Variants in RFFL observed in about 807,000 individuals in gnomAD.
RFFL encodes the protein E3 ubiquitin-protein ligase rififylin.
RFFL carries 16 observed loss-of-function variants against 40.4 expected under a neutral mutation model. That is an observed-to-expected ratio of 0.40 (90% CI 0.27 to 0.60). The LOEUF (loss-of-function observed/expected upper bound fraction) is 0.60, where lower values mean the gene tolerates loss of function less well. Ranked by LOEUF, RFFL falls within the 20% of genes least tolerant of loss-of-function variation. RFFL has a pLI of 0.47. For missense variants in RFFL, 367 were observed against 451.7 expected (o/e 0.81, Z 1.70); for synonymous variants, 154 against 167.9 (o/e 0.92, Z 0.64).
At chr17:35,016,333 T>G in intron 5 of RFFL, 37 bp downstream of exon 5, 15 of 1,583,854 alleles carry the variant, frequency 9.5e-6, no homozygotes, top group African/African-American at 1.3e-5. Flanking sequence ...CAAACACTCC[T>G]GAGCTCTGTA....
At chr17:35,083,473 C>T (rs578201541) in intron 1 of RFFL, among the ~76,000 whole-genome samples, 2 of 152,064 alleles carry the variant, frequency 1.3e-5, no homozygotes, top group Non-Finnish European at 2.9e-5. Context: ...CATAATTTCA[C>T]TCTAAAAATT....
chr17:35,052,382 T>C (rs148876070), intron 1 of RFFL, among the ~76,000 whole-genome samples: 2 of 152,316 alleles, frequency 1.3e-5, no homozygotes, highest in African/African-American at 4.8e-5. Context: ...CCTATGCTGC[T>C]CATCTGATTC....
intron 3 of RFFL, 48 bp from the exon 4 acceptor site, chr17:35,017,654 C>G (rs370679577): frequency 7.8e-6 from 10 of 1,274,922 alleles, no homozygotes; most frequent in African/African-American, 5.9e-5. Context: ...TCCCAGAGAT[C>G]TGCATAGCAT....
intron 1 of RFFL, among the ~76,000 whole-genome samples, chr17:35,078,710 G>A (rs956874603): frequency 2.6e-5 from 4 of 152,162 alleles, no homozygotes; most frequent in African/African-American, 9.7e-5. Context: ...GCTCACATCT[G>A]CAATCCCAGC....
intron 1 of RFFL, among the ~76,000 whole-genome samples, chr17:35,042,592 C>G (rs961509464): frequency 6.6e-6 from 1 of 152,052 alleles, no homozygotes; most frequent in African/African-American, 2.4e-5. Context: ...GAGGCCAAGG[C>G]AGGCGGATCA....
At chr17:35,067,139 C>T (rs2091324570), upstream of RFFL, among the ~76,000 whole-genome samples, 1 of 142,472 alleles carries the variant, frequency 7.0e-6, no homozygotes, top group Admixed American at 7.0e-5. Flanking sequence ...TTTTTTGAGA[C>T]GGAATCTCAC....
Position 35,011,286 on chromosome 17 carries a change from C to G in RFFL, c.*682G>C, listed in dbSNP as rs1032637017. The G allele has an allele frequency of 6.6e-6, 1 of 152,238 alleles. No individual in the cohort carries two copies. Among genetic ancestry groups the G allele is most frequent in the Admixed American group, 6.5e-5 (1 of 15,282 alleles). 9.4% of individuals were successfully genotyped at this position (152,238 alleles called of 1,614,324 possible). On this transcript the variant is annotated 3_prime_UTR_variant, in exon 7 of 7. Coordinates refer to ENST00000394597, the MANE Select transcript of RFFL (RefSeq NM_001017368.2). ...CTGATGTTTTGTTGGCTCCCAGAGT[C>G]AGGTCAGGAGACCAACAGCTTCCAA... is the stretch of plus-strand genomic sequence containing the variant.
chr17:35,078,979 CAAAAA>C (rs1035264568), intron 1 of RFFL, among the ~76,000 whole-genome samples: 1 of 77,246 alleles, frequency 1.3e-5, no homozygotes, highest in African/African-American at 4.4e-5. Flanking sequence ...GACACTGTTT[CAAAAA>C]AAAAAAAAAA....
At chr17:35,077,002 T>C in intron 1 of RFFL, 1 of 299,886 alleles carries the variant, frequency 3.3e-6, no homozygotes, top group East Asian at 9.8e-5. Flanking sequence ...ATCCAGTTCA[T>C]CTTAAGAATT....
rs149403703 is a variant in RFFL at position 35,022,226 on chromosome 17, T to G, written c.181-445A>C. Among the ~76,000 whole-genome samples the G allele has an allele frequency of 2.6e-3, 389 of 152,322 alleles. No individual in the cohort carries two copies. In the Middle Eastern group the frequency reaches 0.034, roughly 13 times the overall value. ...GGGGGTGATAACAGTATCTACCTCA[T>G]GGGGTTGTTGTGAAGATTAAGAGAG... On this transcript the variant is annotated intron_variant, in intron 2 of 6. Transcript: ENST00000394597.
At chr17:35,085,493 G>A (rs1245382302) in intron 1 of RFFL, among the ~76,000 whole-genome samples, 4 of 152,166 alleles carry the variant, frequency 2.6e-5, no homozygotes, top group Non-Finnish European at 4.4e-5. Flanking sequence ...GCAGTGGTGC[G>A]ATCTCGGCTC....
chr17:35,074,837 C>G (rs1169019829), intron 1 of RFFL, among the ~76,000 whole-genome samples: 1 of 152,190 alleles, frequency 6.6e-6, no homozygotes, highest in Non-Finnish European at 1.5e-5. Context: ...CAAGAATAAG[C>G]CTTCCCCTAA....
intron 1 of RFFL, among the ~76,000 whole-genome samples, chr17:35,073,191 T>C (rs1052231828): frequency 3.3e-5 from 5 of 152,224 alleles, no homozygotes; most frequent in African/African-American, 9.6e-5. Flanking sequence ...CATAGATTGG[T>C]TGTTGGCCCA....
rs2091042517 is a variant in RFFL at position 35,026,578 on chromosome 17, A to T, written c.-8-17T>A. ...TGATAAAATCTGGTGCAAGGGAGGA[A>T]AGGGGAAAAGGTCAGAGTTAAGACA... On this transcript the variant is annotated splice_polypyrimidine_tract_variant and intron_variant, in intron 1 of 6. Transcript: ENST00000394597. The T allele has an allele frequency of 6.2e-7, 1 of 1,606,056 alleles. No homozygotes were observed. The highest frequency in any genetic ancestry group is 8.5e-7 in the Non-Finnish European group (1 of 1,175,472).
At chr17:35,021,224 A>G (rs2091006210) in intron 3 of RFFL, 147 bp downstream of exon 3, 1 of 765,522 alleles carries the variant, frequency 1.3e-6, no homozygotes, top group Non-Finnish European at 2.0e-6. Context: ...TACCCAGAAA[A>G]CACTTGGTGC....
chr17:35,074,444 T>C (rs2091366349), intron 1 of RFFL: 2 of 152,214 alleles, frequency 1.3e-5, no homozygotes, highest in African/African-American at 2.4e-5. Flanking sequence ...ACTGGTTACT[T>C]CTGCAGCCGA....
chr17:35,076,814 G>A (rs1597844002), intron 1 of RFFL: 1 of 226,648 alleles, frequency 4.4e-6, no homozygotes, highest in South Asian at 7.7e-5. Context: ...AAGTCGACCT[G>A]TGGCAAATGT....
chr17:35,026,633 G>T, intron 1 of RFFL, 72 bp from the exon 2 acceptor site: 1 of 1,235,132 alleles, frequency 8.1e-7, no homozygotes, highest in Non-Finnish European at 1.1e-6. Context: ...ATGTCCGAGA[G>T]CACAGGTGAG....
chr17:35,027,088 T>A (rs934966005), intron 1 of RFFL, among the ~76,000 whole-genome samples: 5 of 152,158 alleles, frequency 3.3e-5, no homozygotes, highest in African/African-American at 1.2e-4. Context: ...AGAGAGCTAA[T>A]ATACAGAGTT....
Sources: gnomAD v4.1 joint callset for allele counts (sites outside exome capture counted in the v4.1 genomes callset) on GRCh38, gnomAD v4.1.1 for gene constraint, MANE v1.5 for transcripts, NCBI Gene and HGNC (gene_info 2026-07-23, HGNC 2026-07-21) for gene names.